Variants in PTPRG observed in about 807,000 individuals in gnomAD.
PTPRG encodes receptor-type tyrosine-protein phosphatase gamma.
PTPRG carries 102 observed loss-of-function variants against 165.3 expected under a neutral mutation model. That is an observed-to-expected ratio of 0.62 (90% CI 0.53 to 0.73). The LOEUF (loss-of-function observed/expected upper bound fraction) is 0.73. Among genes scored for constraint, PTPRG ranks in the 30% least tolerant of loss-of-function variants. The probability of loss-of-function intolerance (pLI) is 0.00; values close to 1 mark genes in which losing one functional copy is unlikely to be tolerated. For synonymous variants in PTPRG, 675 were observed against 669.5 expected, an observed-to-expected ratio of 1.01 and a Z score of -0.13; for missense variants, 1,866 against 1,861.4, an observed-to-expected ratio of 1.00 and a Z score of -0.05.
chr3:61,647,260 C>T (rs1194773971), intron 1 of PTPRG, among the ~76,000 whole-genome samples: 3 of 152,180 alleles, frequency 2.0e-5, no homozygotes, highest in Non-Finnish European at 4.4e-5. Flanking sequence ...TTTCATTTTA[C>T]CGTCTTTCAC....
chr3:61,782,430 T>C (rs1340578452), intron 2 of PTPRG, among the ~76,000 whole-genome samples: 1 of 152,238 alleles, frequency 6.6e-6, no homozygotes, highest in Non-Finnish European at 1.5e-5. Context: ...AAATTGAGTG[T>C]GAACCATCAG....
At chr3:61,808,692 T>C (rs1004463831) in intron 2 of PTPRG, among the ~76,000 whole-genome samples, 13 of 152,132 alleles carry the variant, frequency 8.5e-5, no homozygotes, top group Non-Finnish European at 7.3e-5. Context: ...ACGGATCCCT[T>C]GGCCTAGATA....
chr3:62,070,721 G>T (rs1242136744), intron 4 of PTPRG, among the ~76,000 whole-genome samples: 2 of 152,002 alleles, frequency 1.3e-5, no homozygotes, highest in African/African-American at 4.8e-5. Flanking sequence ...ATCATCCTAC[G>T]CATGTCATCA....
chr3:61,904,968 G>T (rs1258099005), intron 2 of PTPRG, among the ~76,000 whole-genome samples: 1 of 151,654 alleles, frequency 6.6e-6, no homozygotes, highest in East Asian at 1.9e-4. Context: ...TGTCCATTTG[G>T]TTCCTGCTGT....
chr3:62,100,540 G>T (rs986661031), intron 5 of PTPRG, among the ~76,000 whole-genome samples: 4 of 151,930 alleles, frequency 2.6e-5, no homozygotes, highest in Non-Finnish European at 5.9e-5. Flanking sequence ...TTAGAGAGTG[G>T]ATCTGGACAT....
At chr3:61,794,829 T>C (rs1300194799) in intron 2 of PTPRG, among the ~76,000 whole-genome samples, 2 of 152,152 alleles carry the variant, frequency 1.3e-5, no homozygotes, top group African/African-American at 2.4e-5. Flanking sequence ...CACCTGAGAA[T>C]GAGAAAGGAA....
At chr3:62,057,021 G>A (rs964181862) in intron 4 of PTPRG, among the ~76,000 whole-genome samples, 1 of 152,140 alleles carries the variant, frequency 6.6e-6, no homozygotes, top group African/African-American at 2.4e-5. Flanking sequence ...TGGAATAAAC[G>A]GGAGATAAAA....
At chr3:62,108,494 T>G (rs1341097712) in intron 5 of PTPRG, among the ~76,000 whole-genome samples, 1 of 152,208 alleles carries the variant, frequency 6.6e-6, no homozygotes, top group Non-Finnish European at 1.5e-5. Context: ...GAACAGTGCC[T>G]CAGTAAACAT....
At chr3:61,824,751 A>G (rs775123495) in intron 2 of PTPRG, among the ~76,000 whole-genome samples, 4 of 152,186 alleles carry the variant, frequency 2.6e-5, no homozygotes, top group South Asian at 4.1e-4. Context: ...TGACCTTGCC[A>G]TTGTACTTCA....
intron 1 of PTPRG, among the ~76,000 whole-genome samples, chr3:61,747,840 A>G (rs1261257779): frequency 1.3e-5 from 2 of 151,944 alleles, no homozygotes; most frequent in African/African-American, 4.8e-5. Context: ...AGGTGCATTT[A>G]AATGTTATCA....
intron 2 of PTPRG, chr3:61,750,152 T>G (rs2033373191): frequency 1.3e-5 from 2 of 152,214 alleles, no homozygotes; most frequent in African/African-American, 4.8e-5. Flanking sequence ...AGAGGCTTTT[T>G]GTCACCATTT....
chr3:61,930,383 G>A (rs988398720), intron 2 of PTPRG, among the ~76,000 whole-genome samples: 2 of 152,224 alleles, frequency 1.3e-5, no homozygotes, highest in African/African-American at 4.8e-5. Context: ...AAGAATGTCA[G>A]TGATTCCCTG....
chr3:62,101,503 T>C (rs1403044593), intron 5 of PTPRG, among the ~76,000 whole-genome samples: 1 of 152,252 alleles, frequency 6.6e-6, no homozygotes, highest in African/African-American at 2.4e-5. Flanking sequence ...TTTTGAGCTT[T>C]AAGCCCTTTA....
chr3:61,806,455 T>C, intron 2 of PTPRG, among the ~76,000 whole-genome samples: 1 of 152,192 alleles, frequency 6.6e-6, no homozygotes, highest in Admixed American at 6.5e-5. Flanking sequence ...ACACATGCCC[T>C]GTCGGGTCTG....
At chr3:62,160,864 A>ATTTT (rs5849464) in intron 7 of PTPRG, among the ~76,000 whole-genome samples, 201 of 103,966 alleles carry the variant, frequency 1.9e-3, no homozygotes, top group African/African-American at 3.1e-3. Flanking sequence ...TAGATGTGTG[A>ATTTT]TTTTTTTTTT....
At chr3:62,056,857 A>G (rs573021359) in intron 4 of PTPRG, among the ~76,000 whole-genome samples, 2 of 152,292 alleles carry the variant, frequency 1.3e-5, no homozygotes, top group Non-Finnish European at 2.9e-5. Flanking sequence ...AAGTGTGAGG[A>G]AGACAAACTG....
chr3:61,979,922 TTTTAA>T (rs1371929944), intron 2 of PTPRG, among the ~76,000 whole-genome samples: 1 of 152,096 alleles, frequency 6.6e-6, no homozygotes, highest in Non-Finnish European at 1.5e-5. Context: ...GTAAAACTGC[TTTTAA>T]TTTCTTTTTT....
In PTPRG at chr3:61,704,701, C is replaced by A. The variant is rs530657640; in HGVS notation, c.86-44177C>A. 9.9e-5 allele frequency among the ~76,000 whole-genome samples: 15 copies of A among 151,752 alleles called. No individual in the cohort carries two copies. The South Asian group carries it at 3.1e-3, about 32-fold the overall frequency. ...AAACTCCTCTGAGAAAGCCATAATTCCCTGCCTAGTGCCCCACTGATGGAA... is the reference window on the plus strand; with the variant it reads ...AAACTCCTCTGAGAAAGCCATAATTACCTGCCTAGTGCCCCACTGATGGAA... On this transcript the variant is annotated intron_variant, in intron 1 of 29. Transcript: ENST00000474889.
rs1051214797 is a variant in PTPRG at position 62,297,175 on chromosome 3, T to C, written c.*3868T>C. ...TCTATGGTATATAATCATAGAATTT[T>C]ATATTTTCATATAAAGCTAATTTTT... On this transcript the variant is annotated 3_prime_UTR_variant, in exon 30 of 30. Coordinates refer to ENST00000474889, the MANE Select transcript of PTPRG (RefSeq NM_002841.4). 10 of 152,126 alleles carry C rather than the reference T, an allele frequency of 6.6e-5. No individual in the cohort carries two copies. The highest frequency in any genetic ancestry group is 8.8e-5 in the Non-Finnish European group (6 of 67,990). The allele number at this position is 152,126 out of a possible 1,614,324, so 9.4% of individuals were successfully genotyped here.
Sources: allele counts gnomAD v4.1 joint callset (sites outside exome capture counted in the v4.1 genomes callset), GRCh38; gene constraint gnomAD v4.1.1; transcripts MANE v1.5; gene names NCBI Gene and HGNC (gene_info 2026-07-23, HGNC 2026-07-21).